Variants in COL23A1 observed in about 807,000 individuals in gnomAD.
The protein encoded by COL23A1 is collagen alpha-1(XXIII) chain.
In COL23A1, 97 loss-of-function variants were observed where a neutral mutation model predicts 99.3. The observed-to-expected ratio is 0.98, with a 90% CI of 0.83 to 1.16. The LOEUF (loss-of-function observed/expected upper bound fraction) is 1.16, where lower values mean the gene tolerates loss of function less well. Among genes scored for constraint, COL23A1 ranks in the 50% most tolerant of loss-of-function variants. The pLI is 0.00. For missense variants in COL23A1, 762 were observed against 757.4 expected (o/e 1.01, Z -0.07); for synonymous variants, 320 against 308.2 (o/e 1.04, Z -0.40).
At chr5:178,465,804 A>G (rs1014865319) in intron 2 of COL23A1, among the ~76,000 whole-genome samples, 25 of 152,222 alleles carry the variant, frequency 1.6e-4, no homozygotes, top group Non-Finnish European at 3.2e-4. Flanking sequence ...ATTCAACAGC[A>G]GTGAGTCCTC....
intron 2 of COL23A1, among the ~76,000 whole-genome samples, chr5:178,448,913 T>TTG (rs1018360033): frequency 2.7e-5 from 4 of 149,506 alleles, no homozygotes; most frequent in Admixed American, 6.6e-5. Context: ...AAATAAAGTT[T>TTG]TTTTTTTTTT....
chr5:178,449,305 C>T (rs1338398661), intron 2 of COL23A1, among the ~76,000 whole-genome samples: 1 of 152,200 alleles, frequency 6.6e-6, no homozygotes, highest in African/African-American at 2.4e-5. Context: ...CCCACGTCTG[C>T]CGCTGGGAAA....
At chr5:178,421,651 C>T (rs1459234256) in intron 2 of COL23A1, among the ~76,000 whole-genome samples, 3 of 152,080 alleles carry the variant, frequency 2.0e-5, no homozygotes, top group Admixed American at 6.6e-5. Flanking sequence ...GGCAGATCAC[C>T]GGAGGTCAGA....
intron 1 of COL23A1, among the ~76,000 whole-genome samples, chr5:178,573,901 C>G (rs1562102859): frequency 6.6e-6 from 1 of 151,978 alleles, no homozygotes; most frequent in South Asian, 2.1e-4. Flanking sequence ...CTCTGTCACC[C>G]AGGCTGGAGT....
rs376389431 is a variant in COL23A1 at position 178,504,989 on chromosome 5, G to A, written c.361+55693C>T. On this transcript the variant is annotated intron_variant, in intron 2 of 28. Transcript: ENST00000390654. ...CCTTACTGAGCACCATCAGCTTCCT[G>A]GGGTGGCCATAACGAAGTTCCACAG... 5.8e-4 allele frequency among the ~76,000 whole-genome samples: 88 copies of A among 152,328 alleles called. No homozygotes were observed. In the South Asian group the frequency reaches 0.016, roughly 28 times the overall value.
chr5:178,478,274 G>T (rs970960050), intron 2 of COL23A1, among the ~76,000 whole-genome samples: 3 of 152,202 alleles, frequency 2.0e-5, no homozygotes, highest in Admixed American at 2.0e-4. Flanking sequence ...TTGCCAAGAT[G>T]CCTGGAGGGT....
intron 2 of COL23A1, among the ~76,000 whole-genome samples, chr5:178,493,460 T>A (rs1758039420): frequency 6.6e-6 from 1 of 152,218 alleles, no homozygotes; most frequent in Admixed American, 6.5e-5. Flanking sequence ...CAGGCCTCCA[T>A]CCACGTGGGC....
rs542348892 is a variant in COL23A1 at position 178,279,766 on chromosome 5, C to T, written c.441+8558G>A. Among the ~76,000 whole-genome samples, 3 of 152,310 alleles carry T rather than the reference C, an allele frequency of 2.0e-5. No individual in the cohort carries two copies. The East Asian group carries it at 5.8e-4, about 29-fold the overall frequency. ...GGGTGCACCCTCTCTGGATGTTCCC[C>T]CTGAAACTCCCCACTTATCAGCATC... On this transcript the variant is annotated intron_variant, in intron 5 of 28. Coordinates refer to ENST00000390654, the MANE Select transcript of COL23A1 (RefSeq NM_173465.4).
chr5:178,362,584 C>G (rs1762231384), intron 2 of COL23A1, among the ~76,000 whole-genome samples: 1 of 152,182 alleles, frequency 6.6e-6, no homozygotes, highest in South Asian at 2.1e-4. Context: ...GCAGGTGACT[C>G]TGGCCTGGCT....
intron 2 of COL23A1, among the ~76,000 whole-genome samples, chr5:178,471,192 T>C (rs1358382562): frequency 6.6e-6 from 1 of 152,138 alleles, no homozygotes; most frequent in Non-Finnish European, 1.5e-5. Flanking sequence ...TTCCCAGAGG[T>C]TGGAACAGTG....
intron 2 of COL23A1, among the ~76,000 whole-genome samples, chr5:178,398,347 C>T (rs752868173): frequency 7.2e-5 from 11 of 152,190 alleles, no homozygotes; most frequent in Non-Finnish European, 1.5e-4. Flanking sequence ...AAATTCTCAG[C>T]TGGGCATGGT....
At chr5:178,305,265 C>A (rs779002566) in intron 3 of COL23A1, among the ~76,000 whole-genome samples, 18 of 152,188 alleles carry the variant, frequency 1.2e-4, no homozygotes, top group African/African-American at 4.1e-4. Flanking sequence ...TGCCGGTGAG[C>A]GCTAAGGAGT....
At chr5:178,355,017 C>T (rs1038442569) in intron 2 of COL23A1, among the ~76,000 whole-genome samples, 2 of 149,470 alleles carry the variant, frequency 1.3e-5, no homozygotes, top group Non-Finnish European at 3.0e-5. Context: ...GAGATCATAG[C>T]ACCGTACTCC....
intron 2 of COL23A1, among the ~76,000 whole-genome samples, chr5:178,505,385 G>C (rs1422744801): frequency 1.3e-5 from 2 of 152,088 alleles, no homozygotes; most frequent in Non-Finnish European, 2.9e-5. Context: ...GAGTACCTGG[G>C]ATTACAGGCG....
At chr5:178,362,093 C>T (rs1762202170) in intron 2 of COL23A1, among the ~76,000 whole-genome samples, 1 of 152,228 alleles carries the variant, frequency 6.6e-6, no homozygotes, top group African/African-American at 2.4e-5. Context: ...CTTCCTAGGT[C>T]CAACTTTTAG....
intron 2 of COL23A1, among the ~76,000 whole-genome samples, chr5:178,402,448 T>C (rs958190413): frequency 6.6e-6 from 1 of 151,936 alleles, no homozygotes; most frequent in African/African-American, 2.4e-5. Flanking sequence ...GGTTGATTAA[T>C]GGGCACAAAG....
At chr5:178,441,734 G>A (rs567652272) in intron 2 of COL23A1, among the ~76,000 whole-genome samples, 67 of 152,246 alleles carry the variant, frequency 4.4e-4, no homozygotes, top group Middle Eastern at 3.4e-3. Flanking sequence ...GGGTGATGAC[G>A]CGGGGTGGGC....
intron 2 of COL23A1, among the ~76,000 whole-genome samples, chr5:178,538,893 A>T (rs1287209968): frequency 6.6e-6 from 1 of 152,210 alleles, no homozygotes; most frequent in Admixed American, 6.5e-5. Flanking sequence ...ACTCAGCCAT[A>T]AAAAAAGAAT....
chr5:178,247,888 C>T, intron 20 of COL23A1, 57 bp from the exon 21 acceptor site: 2 of 1,456,632 alleles, frequency 1.4e-6, no homozygotes, highest in Non-Finnish European at 9.5e-7. Flanking sequence ...CACCTACCCG[C>T]ACCCGAGCTC....
Sources: allele counts gnomAD v4.1 joint callset (sites outside exome capture counted in the v4.1 genomes callset), GRCh38; gene constraint gnomAD v4.1.1; transcripts MANE v1.5; gene names NCBI Gene and HGNC (gene_info 2026-07-23, HGNC 2026-07-21).